The following DBN1 variants were observed in gnomAD, a reference collection of about 807,000 sequenced individuals.
The protein encoded by DBN1 is drebrin.
Under a neutral mutation model 83.5 loss-of-function variants are expected in DBN1, and 21 were observed. That is an observed-to-expected ratio of 0.25 (90% CI 0.18 to 0.36). The LOEUF (loss-of-function observed/expected upper bound fraction) is 0.36. Ranked by LOEUF, DBN1 falls within the 10% of genes least tolerant of loss-of-function variation. DBN1 has a pLI of 1.00. For missense variants in DBN1, 874 were observed against 935.7 expected (o/e 0.93, Z 0.86); for synonymous variants, 381 against 384.9 (o/e 0.99, Z 0.12).
At position 177,473,618 on chromosome 5, in the gene DBN1, A is replaced by T. The variant is rs1017531377; in HGVS notation, c.-97T>A. 2 of 466,436 alleles carry T rather than the reference A, an allele frequency of 4.3e-6. No individual in the cohort carries two copies. The highest frequency in any genetic ancestry group is 5.6e-6 in the Non-Finnish European group (2 of 358,796). 28.9% of individuals were successfully genotyped at this position (466,436 alleles called of 1,614,324 possible). A position where few individuals can be genotyped will look rare whatever the true frequency, so the allele number is the denominator to read the frequency against. ...GAGGGAGTCGCCGCCGCCGCCTCGGAGCCTCTGCAGCGTCGCGAGCCGAGC... is the reference window on the plus strand; with the variant it reads ...GAGGGAGTCGCCGCCGCCGCCTCGGTGCCTCTGCAGCGTCGCGAGCCGAGC... On this transcript the variant is annotated 5_prime_UTR_variant, in exon 1 of 15. Transcript: ENST00000393565.
chr5:177,461,305 A>C (rs1757025332), intron 8 of DBN1, among the ~76,000 whole-genome samples: 1 of 150,246 alleles, frequency 6.7e-6, no homozygotes, highest in African/African-American at 2.5e-5. Context: ...TCACCGTTTT[A>C]GCCGGGATGG....
chr5:177,472,246 C>T (rs1243558864), intron 1 of DBN1: 8 of 1,612,516 alleles, frequency 5.0e-6, no homozygotes, highest in African/African-American at 1.3e-5. Context: ...AGGTCAGAGT[C>T]CCCACCTGGC....
At chr5:177,471,197 C>G (rs1015740752) in intron 1 of DBN1, among the ~76,000 whole-genome samples, 2 of 151,960 alleles carry the variant, frequency 1.3e-5, no homozygotes, top group Non-Finnish European at 2.9e-5. Context: ...GGGCTGAGGG[C>G]AGGTGGACCC....
intron 8 of DBN1, among the ~76,000 whole-genome samples, chr5:177,465,719 A>C (rs970234861): frequency 1.3e-5 from 2 of 151,916 alleles, no homozygotes; most frequent in Non-Finnish European, 2.9e-5. Flanking sequence ...GCTAGGCATG[A>C]TGGTGTGCGC....
At chr5:177,471,190 C>T (rs1384447221) in intron 1 of DBN1, among the ~76,000 whole-genome samples, 2 of 151,960 alleles carry the variant, frequency 1.3e-5, no homozygotes, top group African/African-American at 2.4e-5. Context: ...GAGTCGGGGG[C>T]TGAGGGCAGG....
At chr5:177,471,968 G>A (rs892335119) in intron 1 of DBN1, 5 of 751,496 alleles carry the variant, frequency 6.7e-6, no homozygotes, top group African/African-American at 5.5e-5. Context: ...CTCCCCAGGC[G>A]GGGCCTTATC....
At chr5:177,469,722 G>A (rs972594258) in intron 1 of DBN1, among the ~76,000 whole-genome samples, 2 of 152,342 alleles carry the variant, frequency 1.3e-5, no homozygotes, top group African/African-American at 4.8e-5. Flanking sequence ...ATAGGCTGCG[G>A]TGACAGAGCA....
Position 177,467,227 on chromosome 5 carries a change from C to T in DBN1, c.555+28G>A. ...CCCATGGGGTCCATGAGGGGTGGCT[C>T]AGCCAGGCCGGGCTCAGGGTTCCAT... is the stretch of plus-strand genomic sequence containing the variant. On this transcript the variant is annotated intron_variant, in intron 6 of 14. Coordinates refer to ENST00000393565, the MANE Select transcript of DBN1 (RefSeq NM_001363541.2). The surrounding 1 kb of genome is among the most constrained non-coding windows in gnomAD (Gnocchi z 9.1). The T allele has an allele frequency of 6.2e-7, 1 of 1,613,776 alleles. No individual in the cohort carries two copies. The highest frequency in any genetic ancestry group is 1.1e-5 in the South Asian group (1 of 91,076).
At chr5:177,469,359 CA>C (rs1468783025) in intron 1 of DBN1, among the ~76,000 whole-genome samples, 2 of 152,098 alleles carry the variant, frequency 1.3e-5, no homozygotes, top group Non-Finnish European at 2.9e-5. Flanking sequence ...CTGGTGCTCC[CA>C]ACAGCTCTGG....
At chr5:177,461,094 CTTTTTTTTTTTTT>C (rs1212164434) in intron 8 of DBN1, among the ~76,000 whole-genome samples, 1 of 90,692 alleles carries the variant, frequency 1.1e-5, no homozygotes, top group Non-Finnish European at 2.1e-5. Flanking sequence ...TTCTGGCCTT[CTTTTTTTTTTTTT>C]TTTTTTTTTG....
At chr5:177,471,028 G>A (rs1757807231) in intron 1 of DBN1, among the ~76,000 whole-genome samples, 1 of 152,086 alleles carries the variant, frequency 6.6e-6, no homozygotes, top group South Asian at 2.1e-4. Context: ...CCAGCACACC[G>A]CATACCAGAA....
intron 8 of DBN1, among the ~76,000 whole-genome samples, chr5:177,464,817 G>A (rs1757310700): frequency 6.6e-6 from 1 of 151,772 alleles, no homozygotes; most frequent in African/African-American, 2.4e-5. Context: ...GTGGGCGCCT[G>A]TAATCCCAGC....
chr5:177,463,790 A>G (rs1757213102), intron 8 of DBN1, among the ~76,000 whole-genome samples: 1 of 152,200 alleles, frequency 6.6e-6, no homozygotes, highest in Admixed American at 6.5e-5. Context: ...GGTTCACAAC[A>G]CTATTCTGTC....
chr5:177,473,242 C>G (rs1286260101), intron 1 of DBN1, 194 bp downstream of exon 1: 1 of 238,966 alleles, frequency 4.2e-6, no homozygotes, highest in Non-Finnish European at 7.8e-6. Context: ...GCTCGGGGCC[C>G]GGCAGTGCCC....
At chr5:177,462,855 C>T (rs981061107) in intron 8 of DBN1, among the ~76,000 whole-genome samples, 7 of 152,178 alleles carry the variant, frequency 4.6e-5, no homozygotes, top group African/African-American at 1.7e-4. Flanking sequence ...CTCCTCTGCC[C>T]TTGCTCTCCT....
At chr5:177,472,979 C>T (rs1049887885) in intron 1 of DBN1, 7 of 322,812 alleles carry the variant, frequency 2.2e-5, no homozygotes, top group African/African-American at 1.3e-4. Flanking sequence ...GTGGCCGGGC[C>T]GGGCTGAGCC....
intron 1 of DBN1, chr5:177,472,345 G>T: frequency 6.7e-7 from 1 of 1,496,266 alleles, no homozygotes; most frequent in East Asian, 2.6e-5. Context: ...AGAAGAACCT[G>T]TTCCCATCTG....
intron 1 of DBN1, chr5:177,472,274 G>A: frequency 1.9e-6 from 3 of 1,605,752 alleles, no homozygotes; most frequent in Non-Finnish European, 2.6e-6. Flanking sequence ...CCAGTGTGCG[G>A]GTGAGGCCAG....
chr5:177,463,191 C>T (rs1322686867), intron 8 of DBN1, among the ~76,000 whole-genome samples: 1 of 152,208 alleles, frequency 6.6e-6, no homozygotes, highest in East Asian at 1.9e-4. Context: ...CGCCCGCCAC[C>T]ACGCTCGGCT....
Sources: allele counts gnomAD v4.1 joint callset (sites outside exome capture counted in the v4.1 genomes callset), GRCh38; gene constraint gnomAD v4.1.1; non-coding constraint Gnocchi (gnomAD v3.1); transcripts MANE v1.5; gene names NCBI Gene and HGNC (gene_info 2026-07-23, HGNC 2026-07-21).